Variants in LHFPL3 observed in about 807,000 individuals in gnomAD.
The protein encoded by LHFPL3 is LHFPL tetraspan subfamily member 3.
A neutral mutation model predicts 19.3 loss-of-function variants in LHFPL3; 5 were observed. The ratio of observed to expected loss-of-function variants is 0.26; its 90% CI spans 0.14 to 0.54. The LOEUF (loss-of-function observed/expected upper bound fraction) is 0.54, where lower values mean the gene tolerates loss of function less well. Among genes scored for constraint, LHFPL3 ranks in the 20% least tolerant of loss-of-function variants. The pLI is 0.94. For synonymous variants in LHFPL3, 133 were observed against 126.2 expected, an observed-to-expected ratio of 1.05 and a Z score of -0.36; for missense variants, 249 against 307.4, an observed-to-expected ratio of 0.81 and a Z score of 1.42.
At chr7:104,460,762 G>C (rs1173889012) in intron 1 of LHFPL3, among the ~76,000 whole-genome samples, 1 of 152,028 alleles carries the variant, frequency 6.6e-6, no homozygotes, top group Non-Finnish European at 1.5e-5. Flanking sequence ...CAGATGCATA[G>C]TTTGCAAAAA....
At chr7:104,892,831 AT>A (rs1374345727) in intron 2 of LHFPL3, among the ~76,000 whole-genome samples, 1 of 151,774 alleles carries the variant, frequency 6.6e-6, no homozygotes, top group Non-Finnish European at 1.5e-5. Flanking sequence ...CAAAAATGAG[AT>A]TCCATTAATC....
At chr7:104,618,914 G>A (rs1562951510) in intron 1 of LHFPL3, among the ~76,000 whole-genome samples, 1 of 152,166 alleles carries the variant, frequency 6.6e-6, no homozygotes, top group Non-Finnish European at 1.5e-5. Flanking sequence ...CTGCACTAAT[G>A]GAATGGATCC....
At chr7:104,721,417 A>G (rs932450499) in intron 1 of LHFPL3, among the ~76,000 whole-genome samples, 4 of 152,162 alleles carry the variant, frequency 2.6e-5, no homozygotes, top group Non-Finnish European at 4.4e-5. Flanking sequence ...GAGGGATAGC[A>G]TTAGGAGAAA....
chr7:104,711,472 G>A (rs369444251), intron 1 of LHFPL3, among the ~76,000 whole-genome samples: 25 of 152,332 alleles, frequency 1.6e-4, no homozygotes, highest in African/African-American at 5.8e-4. Flanking sequence ...ATTCAAGATG[G>A]AGATGATGTC....
chr7:104,657,761 A>C (rs1490351761), intron 1 of LHFPL3, among the ~76,000 whole-genome samples: 1 of 152,074 alleles, frequency 6.6e-6, no homozygotes. Flanking sequence ...CCTTCAACAG[A>C]CTTCCCCTTC....
intron 1 of LHFPL3, among the ~76,000 whole-genome samples, chr7:104,562,470 C>T (rs1474168340): frequency 2.6e-5 from 4 of 152,186 alleles, no homozygotes; most frequent in Non-Finnish European, 5.9e-5. Context: ...TCCAATTGAT[C>T]GCATCGGCTC....
intron 2 of LHFPL3, among the ~76,000 whole-genome samples, chr7:104,742,590 C>T (rs1793955265): frequency 3.3e-5 from 5 of 152,188 alleles, no homozygotes; most frequent in Admixed American, 2.0e-4. Context: ...AGTGCTAGTC[C>T]TGTCTCTGAC....
At chr7:104,472,135 C>A (rs1584343694) in intron 1 of LHFPL3, among the ~76,000 whole-genome samples, 2 of 151,310 alleles carry the variant, frequency 1.3e-5, no homozygotes. Flanking sequence ...TATGATTGCA[C>A]CACTGCACTC....
At chr7:104,440,845 T>A (rs1792211998) in intron 1 of LHFPL3, among the ~76,000 whole-genome samples, 1 of 152,198 alleles carries the variant, frequency 6.6e-6, no homozygotes, top group African/African-American at 2.4e-5. Flanking sequence ...CTTTTTTCTT[T>A]TGGCTTTAAA....
At chr7:104,388,481 G>T (rs1790994273) in intron 1 of LHFPL3, among the ~76,000 whole-genome samples, 1 of 152,062 alleles carries the variant, frequency 6.6e-6, no homozygotes, top group African/African-American at 2.4e-5. Context: ...CTGAAAAGAA[G>T]GTCAAACCAA....
At position 104,328,793 on chromosome 7, in the gene LHFPL3, C is replaced by G; in HGVS notation, c.14C>G (p.Ala5Gly). The G allele has an allele frequency of 6.3e-7, 1 of 1,598,206 alleles. No individual in the cohort carries two copies. The highest frequency in any genetic ancestry group is 1.1e-5 in the South Asian group (1 of 89,826). Residue 5 changes from alanine (A) to glycine (G), a missense_variant, in exon 1 of 3, where the codon GCC becomes GGC. Coordinates refer to ENST00000424859, the MANE Select transcript of LHFPL3 (RefSeq NM_199000.3). The surrounding 1 kb of genome is among the most constrained non-coding windows in gnomAD (Gnocchi z 4.6). ...AGGAGGGGGAGAATGCCCGGAGCCG[C>G]CGCCGCTGCCGCCGCCGCCGCCGCC... MPGA[A>G]AAAAAAAAAM...
intron 1 of LHFPL3, among the ~76,000 whole-genome samples, chr7:104,394,173 C>T (rs924099492): frequency 1.3e-5 from 2 of 152,126 alleles, no homozygotes; most frequent in African/African-American, 2.4e-5. Flanking sequence ...GACTACCTAG[C>T]GTAGTGGTTC....
In LHFPL3 at chr7:104,885,429, C is replaced by CA. The variant is rs1314411079; in HGVS notation, c.683-20751dup. ...CTATTGTGGCTATCTGATTTTCTCC[C>CA]AAAAAAAGTTTCTCTTGTTCCCCAT... On this transcript the variant is annotated intron_variant, in intron 2 of 2. Coordinates refer to ENST00000424859, the MANE Select transcript of LHFPL3 (RefSeq NM_199000.3). Among the ~76,000 whole-genome samples, 5 of 152,174 alleles carry CA rather than the reference C, an allele frequency of 3.3e-5. 1 individual carries two copies. Among genetic ancestry groups the CA allele is most frequent in the African/African-American group, 9.6e-5 (4 of 41,526 alleles).
intron 1 of LHFPL3, among the ~76,000 whole-genome samples, chr7:104,457,728 C>G (rs560551078): frequency 7.2e-6 from 1 of 139,298 alleles, no homozygotes; most frequent in South Asian, 2.3e-4. Context: ...TACAGTCCCA[C>G]CAACAGTGTA....
At chr7:104,660,476 T>C (rs1584466222) in intron 1 of LHFPL3, among the ~76,000 whole-genome samples, 1 of 152,376 alleles carries the variant, frequency 6.6e-6, no homozygotes, top group East Asian at 1.9e-4. Flanking sequence ...AGTCATGCCA[T>C]GCTGCCTGTT....
chr7:104,508,617 AATATATAT>A (rs71155503), intron 1 of LHFPL3, among the ~76,000 whole-genome samples: 8 of 123,940 alleles, frequency 6.5e-5, no homozygotes, highest in Non-Finnish European at 1.4e-4. Flanking sequence ...AATAAAAAAA[AATATATAT>A]ATATACACAT....
At chr7:104,704,704 C>T (rs1050921103) in intron 1 of LHFPL3, among the ~76,000 whole-genome samples, 9 of 151,974 alleles carry the variant, frequency 5.9e-5, no homozygotes, top group African/African-American at 9.7e-5. Flanking sequence ...GGCGTGATCA[C>T]GGCTTACTAC....
chr7:104,378,239 A>G (rs2116446142), intron 1 of LHFPL3, among the ~76,000 whole-genome samples: 1 of 152,296 alleles, frequency 6.6e-6, no homozygotes, highest in Non-Finnish European at 1.5e-5. Flanking sequence ...TTATCCCCTC[A>G]TGCCTGACCT....
intron 1 of LHFPL3, among the ~76,000 whole-genome samples, chr7:104,539,172 ATT>A (rs1295058917): frequency 6.6e-6 from 1 of 152,188 alleles, no homozygotes; most frequent in Non-Finnish European, 1.5e-5. Context: ...AAGATAATAA[ATT>A]TGTGTTATCT....
Sources: allele counts gnomAD v4.1 joint callset (sites outside exome capture counted in the v4.1 genomes callset), GRCh38; gene constraint gnomAD v4.1.1; non-coding constraint Gnocchi (gnomAD v3.1); transcripts MANE v1.5; gene names NCBI Gene and HGNC (gene_info 2026-07-23, HGNC 2026-07-21).